Variants in ZNF366 observed in about 807,000 individuals in gnomAD.
ZNF366 encodes the protein zinc finger protein 366.
Under a neutral mutation model 47.2 loss-of-function variants are expected in ZNF366, and 20 were observed. The observed-to-expected ratio is 0.42, with a 90% confidence interval of 0.30 to 0.62. ZNF366 has a LOEUF of 0.62. ZNF366 is among the 20% of genes least tolerant of loss of function. ZNF366 has a pLI of 0.16. For synonymous variants in ZNF366, 421 were observed against 395.1 expected (o/e 1.07, Z -0.78); for missense variants, 987 against 976.3 (o/e 1.01, Z -0.15).
intron 1 of ZNF366, among the ~76,000 whole-genome samples, chr5:72,493,290 C>T (rs554970517): frequency 5.3e-5 from 8 of 152,352 alleles, no homozygotes; most frequent in African/African-American, 1.9e-4. Context: ...GGCATTAACT[C>T]ATGTGATCAT....
chr5:72,506,514 C>T (rs1276962007), intron 1 of ZNF366, among the ~76,000 whole-genome samples: 1 of 152,196 alleles, frequency 6.6e-6, no homozygotes, highest in African/African-American at 2.4e-5. Context: ...TTCCCTCCTA[C>T]TGACATAAAT....
At chr5:72,459,689 A>G (rs1482102931) in intron 2 of ZNF366, among the ~76,000 whole-genome samples, 1 of 152,232 alleles carries the variant, frequency 6.6e-6, no homozygotes, top group East Asian at 1.9e-4. Context: ...AGCAGGTCTC[A>G]CAGTTGAGGG....
chr5:72,493,915 C>T lies in ZNF366; in HGVS notation c.-15+13336G>A, dbSNP rs531572701. ...GATTACAGGCGTGAGCCACCATGCC[C>T]AGCTTTTTTTTTTTTTTTTTTTTTT... On this transcript the variant is annotated intron_variant, in intron 1 of 4. Coordinates refer to ENST00000318442, the MANE Select transcript of ZNF366 (RefSeq NM_152625.3). 1.1e-4 allele frequency among the ~76,000 whole-genome samples: 14 copies of T among 125,174 alleles called. No homozygotes were observed. In the South Asian group the frequency reaches 1.2e-3, roughly 11 times the overall value. 82.1% of individuals were successfully genotyped at this position (125,174 alleles called of 152,430 possible).
chr5:72,461,487 C>T lies in ZNF366; in HGVS notation c.10G>A (p.Glu4Lys), dbSNP rs764343933. The change falls in exon 2 of 5, where the codon GAA becomes AAA. Residue 4 changes from glutamate (E) to lysine (K), a missense_variant. By Grantham distance (56) the Glu-to-Lys change is moderately conservative. Around this residue, in one of 3 missense-constraint regions of ZNF366, gnomAD observed 591 missense variants for 560.9 expected, o/e 1.05. Coordinates refer to ENST00000318442, the MANE Select transcript of ZNF366 (RefSeq NM_152625.3). MQK[E>K]MKMIKDEDVH... ...TCCTCGTCTTTGATCATCTTCATTT[C>T]CTTCTGCATCCTTGGCAATTTTCCT... 5 of 1,540,814 alleles carry T rather than the reference C, an allele frequency of 3.2e-6. No homozygotes were observed. The highest frequency in any genetic ancestry group is 4.4e-6 in the Non-Finnish European group (5 of 1,145,080).
intron 1 of ZNF366, among the ~76,000 whole-genome samples, chr5:72,502,557 G>A (rs1160952056): frequency 6.6e-6 from 1 of 152,140 alleles, no homozygotes; most frequent in South Asian, 2.1e-4. Flanking sequence ...TATAATTGAA[G>A]CATACAATAT....
rs1241987788 is a variant in ZNF366 at position 72,507,362 on chromosome 5, G to A, written c.-126C>T. ...CTTTCTCTTGTGTACAGATTGCAGG[G>A]AACTTAAAGAACTCGCAGGGACAGT... On this transcript the variant is annotated 5_prime_UTR_variant, in exon 1 of 5. Coordinates refer to ENST00000318442, the MANE Select transcript of ZNF366 (RefSeq NM_152625.3). 3 of 985,228 alleles carry A rather than the reference G, an allele frequency of 3.0e-6. No homozygotes were observed. The African/African-American group carries it at 5.2e-5, about 17-fold the overall frequency. The allele number at this position is 985,228 out of a possible 1,614,324, so 61.0% of individuals were successfully genotyped here.
At chr5:72,491,200 C>T (rs1432627856) in intron 1 of ZNF366, among the ~76,000 whole-genome samples, 1 of 152,182 alleles carries the variant, frequency 6.6e-6, no homozygotes, top group Non-Finnish European at 1.5e-5. Flanking sequence ...AGAGCTGGCC[C>T]ACAGCCCCAC....
intron 1 of ZNF366, among the ~76,000 whole-genome samples, chr5:72,497,661 T>G (rs1744140848): frequency 6.6e-6 from 1 of 152,016 alleles, no homozygotes; most frequent in African/African-American, 2.4e-5. Flanking sequence ...TCAAGAGGAG[T>G]CAATGTTACA....
chr5:72,471,850 T>TA (rs570225289), intron 1 of ZNF366, among the ~76,000 whole-genome samples: 6 of 152,082 alleles, frequency 3.9e-5, no homozygotes, highest in East Asian at 3.9e-4. Context: ...CCCAAGGTCT[T>TA]AAAAAAAATT....
chr5:72,490,838 G>A (rs1023193591), intron 1 of ZNF366, among the ~76,000 whole-genome samples: 29 of 152,160 alleles, frequency 1.9e-4, no homozygotes, highest in African/African-American at 6.5e-4. Context: ...TACTGAACTT[G>A]AGCATGATAG....
At chr5:72,454,158 A>G (rs1743133805) in intron 3 of ZNF366, among the ~76,000 whole-genome samples, 1 of 152,226 alleles carries the variant, frequency 6.6e-6, no homozygotes, top group South Asian at 2.1e-4. Context: ...ACCTCAAGAA[A>G]TGGGTAAAAT....
At chr5:72,474,428 TA>T (rs1246012070) in intron 1 of ZNF366, among the ~76,000 whole-genome samples, 1 of 152,198 alleles carries the variant, frequency 6.6e-6, no homozygotes, top group Non-Finnish European at 1.5e-5. Context: ...ATTCTTCCAC[TA>T]CATTGAAATA....
intron 1 of ZNF366, among the ~76,000 whole-genome samples, chr5:72,462,972 T>G (rs72761181): frequency 0.037 from 5,569 of 152,348 alleles, 136 homozygotes; most frequent in South Asian, 0.086. Flanking sequence ...CAATCCCTTT[T>G]GCTCATCAGA....
intron 1 of ZNF366, among the ~76,000 whole-genome samples, chr5:72,465,547 C>G (rs867335247): frequency 7.2e-5 from 11 of 152,164 alleles, no homozygotes; most frequent in Admixed American, 1.3e-4. Context: ...GATCCACAGG[C>G]ACCCATAAAA....
chr5:72,460,974 G>T lies in ZNF366; in HGVS notation c.523C>A (p.Pro175Thr), dbSNP rs772087370. Residue 175 changes from proline (P) to threonine (T), a missense_variant, in exon 2 of 5, where the codon CCC (proline) becomes ACC (threonine). Around this residue, in one of 3 missense-constraint regions of ZNF366, gnomAD observed 591 missense variants for 560.9 expected, o/e 1.05. Coordinates refer to ENST00000318442, the MANE Select transcript of ZNF366 (RefSeq NM_152625.3). ...TPTPFLPTPY[P>T]YYPKVHPGLM... ...CCCGGGTGGACTTTGGGGTAGTAGG[G>T]GTAGGGCGTGGGCAGGAATGGAGTG... 6.2e-7 allele frequency: 1 copy of T among 1,613,638 alleles called. No homozygotes were observed. Among genetic ancestry groups the T allele is most frequent in the African/African-American group, 1.3e-5 (1 of 74,912 alleles).
At chr5:72,500,701 A>C (rs1744197708) in intron 1 of ZNF366, among the ~76,000 whole-genome samples, 1 of 152,246 alleles carries the variant, frequency 6.6e-6, no homozygotes. Flanking sequence ...AGAGTCCTAC[A>C]TTCCCTGATC....
chr5:72,483,056 C>T (rs755142187), intron 1 of ZNF366, among the ~76,000 whole-genome samples: 2 of 152,064 alleles, frequency 1.3e-5, no homozygotes, highest in Non-Finnish European at 2.9e-5. Context: ...AAGAAATTAG[C>T]AGTAGTCTTC....
intron 1 of ZNF366, among the ~76,000 whole-genome samples, chr5:72,497,970 A>G (rs1327850633): frequency 6.6e-6 from 1 of 152,100 alleles, no homozygotes; most frequent in Non-Finnish European, 1.5e-5. Flanking sequence ...TTTGTGATAC[A>G]TGTTGCAAAT....
intron 4 of ZNF366, among the ~76,000 whole-genome samples, chr5:72,445,253 G>T (rs1210262637): frequency 6.6e-6 from 1 of 152,130 alleles, no homozygotes; most frequent in Non-Finnish European, 1.5e-5. Flanking sequence ...TGTCTTTAAG[G>T]CTTTGACCTT....
Sources: allele counts gnomAD v4.1 joint callset (sites outside exome capture counted in the v4.1 genomes callset), GRCh38; gene constraint gnomAD v4.1.1; regional missense constraint gnomAD v4.1.1; transcripts MANE v1.5; gene names NCBI Gene and HGNC (gene_info 2026-07-23, HGNC 2026-07-21).